Variants in VIT observed in about 807,000 individuals in gnomAD.
VIT encodes vitrin.
A neutral mutation model predicts 78.0 loss-of-function variants in VIT; 99 were observed. The ratio of observed to expected loss-of-function variants is 1.27; its 90% CI spans 1.08 to 1.50. VIT has a LOEUF of 1.50. Ranked by LOEUF, VIT falls within the 40% of genes most tolerant of loss-of-function variation. The pLI is 0.00. For synonymous variants in VIT, 374 were observed against 334.3 expected, an observed-to-expected ratio of 1.12 and a Z score of -1.29; for missense variants, 1,126 against 875.3, an observed-to-expected ratio of 1.29 and a Z score of -3.61.
chr2:36,735,978 G>C (rs544506372), intron 3 of VIT, among the ~76,000 whole-genome samples: 1 of 152,288 alleles, frequency 6.6e-6, no homozygotes, highest in Non-Finnish European at 1.5e-5. Context: ...GTAAGTTAAT[G>C]ACTTAATAAA....
At chr2:36,777,508 G>A (rs1670146951) in intron 9 of VIT, among the ~76,000 whole-genome samples, 1 of 152,114 alleles carries the variant, frequency 6.6e-6, no homozygotes, top group Non-Finnish European at 1.5e-5. Context: ...AGTGTGCCAG[G>A]CAATTGCCTC....
At chr2:36,754,147 T>C (rs1315550496) in intron 4 of VIT, among the ~76,000 whole-genome samples, 1 of 152,138 alleles carries the variant, frequency 6.6e-6, no homozygotes, top group Admixed American at 6.5e-5. Flanking sequence ...GGGTTGAACG[T>C]TGTTGACTCA....
intron 1 of VIT, among the ~76,000 whole-genome samples, chr2:36,709,697 A>G (rs1410123034): frequency 6.6e-6 from 1 of 152,212 alleles, no homozygotes; most frequent in Non-Finnish European, 1.5e-5. Context: ...CAGTCCAGAT[A>G]GAACAATAAT....
chr2:36,722,141 T>C (rs553004560), intron 2 of VIT, among the ~76,000 whole-genome samples: 31 of 152,206 alleles, frequency 2.0e-4, no homozygotes, highest in Admixed American at 5.2e-4. Flanking sequence ...ATTAATATAT[T>C]TAAGAGGTAG....
At chr2:36,708,110 T>TCCCCCCCCCCCCCCCCCCCCC (rs141908586) in intron 1 of VIT, among the ~76,000 whole-genome samples, 1 of 137,788 alleles carries the variant, frequency 7.3e-6, no homozygotes, top group Non-Finnish European at 1.6e-5. Flanking sequence ...GTAAAGGACC[T>TCCCCCCCCCCCCCCCCCCCCC]CCCCCCCCCG....
At chr2:36,790,459 G>A (rs927096298) in intron 12 of VIT, among the ~76,000 whole-genome samples, 2 of 152,132 alleles carry the variant, frequency 1.3e-5, no homozygotes, top group Non-Finnish European at 2.9e-5. Flanking sequence ...AACCACCATG[G>A]AACTGGGCAA....
chr2:36,786,220 A>G (rs987900419), intron 11 of VIT, among the ~76,000 whole-genome samples: 6 of 151,866 alleles, frequency 4.0e-5, no homozygotes, highest in Non-Finnish European at 8.8e-5. Context: ...TGTCTTCTAA[A>G]TTGCAACTGT....
chr2:36,763,202 C>G (rs1183365345), intron 6 of VIT, among the ~76,000 whole-genome samples: 1 of 152,142 alleles, frequency 6.6e-6, no homozygotes, highest in Non-Finnish European at 1.5e-5. Context: ...GTCAGAATCT[C>G]CACGACCAGG....
chr2:36,701,863 TC>T (rs1269001929), intron 1 of VIT, among the ~76,000 whole-genome samples: 1 of 152,180 alleles, frequency 6.6e-6, no homozygotes, highest in East Asian at 1.9e-4. Flanking sequence ...GAGATAACAT[TC>T]AACAACAGCA....
chr2:36,769,491 A>G (rs2148590877), intron 7 of VIT, among the ~76,000 whole-genome samples: 1 of 152,274 alleles, frequency 6.6e-6, no homozygotes, highest in Admixed American at 6.5e-5. Flanking sequence ...TGATCCACAG[A>G]CTGCTAGACA....
intron 5 of VIT, among the ~76,000 whole-genome samples, chr2:36,755,652 C>G (rs2160335): frequency 6.6e-6 from 1 of 152,022 alleles, no homozygotes; most frequent in African/African-American, 2.4e-5. Context: ...GTGATTTTAA[C>G]ATCCATTGCC....
At chr2:36,709,752 AC>A (rs1665686190) in intron 1 of VIT, among the ~76,000 whole-genome samples, 1 of 152,140 alleles carries the variant, frequency 6.6e-6, no homozygotes, top group South Asian at 2.1e-4. Context: ...TGGAGAAAAG[AC>A]CAAAAGCCCA....
At position 36,728,542 on chromosome 2, in the gene VIT, G is replaced by A. The variant is rs551587409; in HGVS notation, c.53-884G>A. Among the ~76,000 whole-genome samples, 63 of 29,548 alleles carry A rather than the reference G, an allele frequency of 2.1e-3. 18 individuals carry two copies. The highest frequency in any genetic ancestry group is 4.7e-3 in the African/African-American group (63 of 13,450). The allele number at this position is 29,548 out of a possible 152,430, so 19.4% of individuals were successfully genotyped here. A position where few individuals can be genotyped will look rare whatever the true frequency, so the allele number is the denominator to read the frequency against. ...TAAAGAAAAAATATTGGCCGGGCGC[G>A]GTGGCTCACGCCTGTAATCCCAGCA... is the stretch of plus-strand genomic sequence containing the variant. On this transcript the variant is annotated intron_variant, in intron 2 of 15. Coordinates refer to ENST00000379242, the MANE Select transcript of VIT (RefSeq NM_053276.4).
intron 2 of VIT, among the ~76,000 whole-genome samples, chr2:36,723,504 T>C (rs1318474811): frequency 2.0e-5 from 3 of 152,214 alleles, no homozygotes; most frequent in Non-Finnish European, 1.5e-5. Flanking sequence ...ACTAGCATGA[T>C]ACAGGAAAAC....
chr2:36,758,875 G>A, intron 5 of VIT, 94 bp from the exon 6 acceptor site: 1 of 1,071,776 alleles, frequency 9.3e-7, no homozygotes. Flanking sequence ...ACTGAAGAGA[G>A]ATAAATTGAA....
intron 9 of VIT, among the ~76,000 whole-genome samples, chr2:36,776,812 C>T (rs904341895): frequency 6.0e-5 from 9 of 150,418 alleles, no homozygotes; most frequent in South Asian, 4.3e-4. Context: ...ATAAAATGGC[C>T]TGGCGCGGTG....
intron 12 of VIT, among the ~76,000 whole-genome samples, chr2:36,796,735 A>G (rs552220042): frequency 1.3e-5 from 2 of 152,152 alleles, no homozygotes; most frequent in East Asian, 1.9e-4. Context: ...TCAAAGTGCT[A>G]GGATTACAGG....
At chr2:36,777,861 A>G (rs2148613095) in intron 9 of VIT, among the ~76,000 whole-genome samples, 1 of 152,198 alleles carries the variant, frequency 6.6e-6, no homozygotes, top group African/African-American at 2.4e-5. Context: ...CATTCCCTTT[A>G]CTGATAAAAA....
chr2:36,712,926 CT>C (rs1665895988), intron 1 of VIT, among the ~76,000 whole-genome samples: 1 of 152,218 alleles, frequency 6.6e-6, no homozygotes, highest in African/African-American at 2.4e-5. Flanking sequence ...TTTAAATTTC[CT>C]AGGGAAAAGG....
Sources: gnomAD v4.1 joint callset for allele counts (sites outside exome capture counted in the v4.1 genomes callset) on GRCh38, gnomAD v4.1.1 for gene constraint, MANE v1.5 for transcripts, NCBI Gene and HGNC (gene_info 2026-07-23, HGNC 2026-07-21) for gene names.